Variants in MOB3B observed in about 807,000 individuals in gnomAD.
MOB3B encodes MOB kinase activator 3B, also known as MOB kinase activator-like 2B.
Under a neutral mutation model 18.7 loss-of-function variants are expected in MOB3B, and 7 were observed. The ratio of observed to expected loss-of-function variants is 0.37; its 90% CI spans 0.21 to 0.70. MOB3B has a LOEUF of 0.70. MOB3B is among the 30% of genes least tolerant of loss of function. MOB3B has a pLI of 0.52. For missense variants in MOB3B, 253 were observed against 281.3 expected (o/e 0.90, Z 0.72); for synonymous variants, 111 against 99.9 (o/e 1.11, Z -0.66).
intron 1 of MOB3B, among the ~76,000 whole-genome samples, chr9:27,521,373 C>G (rs1563889466): frequency 6.6e-6 from 1 of 152,160 alleles, no homozygotes; most frequent in Non-Finnish European, 1.5e-5. Flanking sequence ...AAATGTGCAG[C>G]CATCTCCAAC....
intron 1 of MOB3B, among the ~76,000 whole-genome samples, chr9:27,522,281 A>AAAGC (rs1820348366): frequency 6.7e-6 from 1 of 148,670 alleles, no homozygotes; most frequent in Non-Finnish European, 1.5e-5. Context: ...AGAAAGAAAG[A>AAAGC]AAGAAAAAGA....
chr9:27,402,757 G>C (rs1261103528), intron 2 of MOB3B, among the ~76,000 whole-genome samples: 1 of 152,186 alleles, frequency 6.6e-6, no homozygotes, highest in Admixed American at 6.5e-5. Context: ...ACTTGGCCCC[G>C]TGGGCCTCCC....
At chr9:27,370,874 C>T (rs1424458802) in intron 2 of MOB3B, among the ~76,000 whole-genome samples, 5 of 152,132 alleles carry the variant, frequency 3.3e-5, no homozygotes, top group Non-Finnish European at 7.4e-5. Context: ...AATCTGAAAA[C>T]CACTGCTTGG....
At chr9:27,378,716 G>A (rs1287891591) in intron 2 of MOB3B, 1 of 470,606 alleles carries the variant, frequency 2.1e-6, no homozygotes, top group Non-Finnish European at 4.4e-6. Context: ...TATTGCATGT[G>A]CATGGGCAGA....
chr9:27,494,764 T>A (rs548551256), intron 1 of MOB3B, among the ~76,000 whole-genome samples: 1 of 152,046 alleles, frequency 6.6e-6, no homozygotes, highest in Non-Finnish European at 1.5e-5. Context: ...CTACCCACCT[T>A]GGCCTCCCTA....
rs376680489 is a variant in MOB3B at position 27,503,932 on chromosome 9, C to T, written c.-199+25623G>A. On this transcript the variant is annotated intron_variant, in intron 1 of 3. Transcript: ENST00000262244. ...TCTTCAGGCTGTCCCGGCTCCAGAG[C>T]CCCCTGTGCATCACAGCCATCTTCT... Among the ~76,000 whole-genome samples, 9 of 152,336 alleles carry T rather than the reference C, an allele frequency of 5.9e-5. No homozygotes were observed. In the East Asian group the frequency reaches 1.5e-3, roughly 26 times the overall value.
chr9:27,338,127 C>A (rs1775355899), intron 3 of MOB3B, among the ~76,000 whole-genome samples: 1 of 152,224 alleles, frequency 6.6e-6, no homozygotes, highest in African/African-American at 2.4e-5. Flanking sequence ...AAGTCCTCAA[C>A]TTCCCATGAC....
rs115259650 is a variant in MOB3B at position 27,471,053 on chromosome 9, T to C, written c.-198-15305A>G. Among the ~76,000 whole-genome samples the C allele has an allele frequency of 5.9e-3, 899 of 152,254 alleles. 11 individuals carry two copies. The highest frequency in any genetic ancestry group is 0.02 in the African/African-American group (832 of 41,542). ...CTAACTAGTAAGTTCCCTCTGGGTT[T>C]CCTGGGGACACTCGGAAATGGCAGA... On this transcript the variant is annotated intron_variant, in intron 1 of 3. Coordinates refer to ENST00000262244, the MANE Select transcript of MOB3B (RefSeq NM_024761.5).
Position 27,330,565 on chromosome 9 carries a change from T to C in MOB3B, c.*22A>G. ...ACCAGGAGGAAACAGCTTTCCTTTC[T>C]TCCAAAGGGTGAGGTGGAGCATTAG... On this transcript the variant is annotated 3_prime_UTR_variant, in exon 4 of 4. Coordinates refer to ENST00000262244, the MANE Select transcript of MOB3B (RefSeq NM_024761.5). 6.2e-7 allele frequency: 1 copy of C among 1,613,850 alleles called. No homozygotes were observed. The highest frequency in any genetic ancestry group is 1.1e-5 in the South Asian group (1 of 90,952).
chr9:27,516,062 G>A (rs911764130), intron 1 of MOB3B, among the ~76,000 whole-genome samples: 4 of 152,194 alleles, frequency 2.6e-5, no homozygotes, highest in Non-Finnish European at 5.9e-5. Context: ...CAGAGATGAT[G>A]CATCTAGAAA....
At chr9:27,438,168 C>G (rs1004557268) in intron 2 of MOB3B, among the ~76,000 whole-genome samples, 1 of 152,194 alleles carries the variant, frequency 6.6e-6, no homozygotes. Context: ...TAAGGAAGGT[C>G]ATCGTCACCC....
chr9:27,398,038 A>G (rs73643202), intron 2 of MOB3B, among the ~76,000 whole-genome samples: 124 of 152,326 alleles, frequency 8.1e-4, no homozygotes, highest in African/African-American at 2.8e-3. Context: ...AGAGGATCCA[A>G]AGATAAATTT....
In MOB3B at chr9:27,489,741, C is replaced by CTTTTTT. The variant is rs66757462; in HGVS notation, c.-198-33999_-198-33994dup. The stretch of plus-strand genomic sequence containing the variant: ...ACATCACACCAGATAAGGAAATAAT[C>CTTTTTT]TTTTTTTTTTTTTGGTCCAACAGGG... On this transcript the variant is annotated intron_variant, in intron 1 of 3. Coordinates refer to ENST00000262244, the MANE Select transcript of MOB3B (RefSeq NM_024761.5). 4.9e-4 allele frequency among the ~76,000 whole-genome samples: 36 copies of CTTTTTT among 73,154 alleles called. 3 individuals carry two copies. Among genetic ancestry groups the CTTTTTT allele is most frequent in the African/African-American group, 1.1e-3 (25 of 22,304 alleles). The allele number at this position is 73,154 out of a possible 152,430, so 48.0% of individuals were successfully genotyped here.
intron 3 of MOB3B, among the ~76,000 whole-genome samples, chr9:27,335,884 G>A (rs1344807480): frequency 6.6e-6 from 1 of 152,164 alleles, no homozygotes; most frequent in Non-Finnish European, 1.5e-5. Context: ...GCACCAGGCT[G>A]CTCTTGAAGA....
intron 2 of MOB3B, among the ~76,000 whole-genome samples, chr9:27,406,960 T>C (rs1821990125): frequency 6.6e-6 from 1 of 152,074 alleles, no homozygotes; most frequent in South Asian, 2.1e-4. Flanking sequence ...TGCCTCAGCC[T>C]CCTGAGTAGC....
chr9:27,371,410 C>G (rs1821413133), intron 2 of MOB3B, among the ~76,000 whole-genome samples: 2 of 152,122 alleles, frequency 1.3e-5, no homozygotes, highest in Admixed American at 6.5e-5. Context: ...ATGCTGAGGA[C>G]TTTTTCCACC....
chr9:27,421,688 C>T (rs916649070), intron 2 of MOB3B: 2 of 152,494 alleles, frequency 1.3e-5, no homozygotes, highest in African/African-American at 4.8e-5. Context: ...CATTTCCACA[C>T]TCCAGCTGCA....
At chr9:27,372,929 G>A (rs2131368507) in intron 2 of MOB3B, among the ~76,000 whole-genome samples, 1 of 152,310 alleles carries the variant, frequency 6.6e-6, no homozygotes, top group South Asian at 2.1e-4. Flanking sequence ...AGCGATACTG[G>A]AAACTGGGTG....
At chr9:27,357,527 C>A (rs879302481) in intron 3 of MOB3B, among the ~76,000 whole-genome samples, 15 of 151,892 alleles carry the variant, frequency 9.9e-5, no homozygotes, top group Non-Finnish European at 1.3e-4. Context: ...AGAGATTATT[C>A]AAATTAGCCA....
Sources: gnomAD v4.1 joint callset for allele counts (sites outside exome capture counted in the v4.1 genomes callset) on GRCh38, gnomAD v4.1.1 for gene constraint, MANE v1.5 for transcripts, NCBI Gene and HGNC (gene_info 2026-07-23, HGNC 2026-07-21) for gene names.